Variants in AP2A2 observed in about 807,000 individuals in gnomAD.
The protein encoded by AP2A2 is AP-2 complex subunit alpha-2.
A neutral mutation model predicts 104.2 loss-of-function variants in AP2A2; 32 were observed. That is an observed-to-expected ratio of 0.31 (90% CI 0.23 to 0.41). The LOEUF is 0.41. Ranked by LOEUF, AP2A2 falls within the 10% of genes least tolerant of loss-of-function variation. The pLI, the probability that AP2A2 is intolerant of heterozygous loss-of-function variation, is 1.00. For synonymous variants in AP2A2, 539 were observed against 533.3 expected (o/e 1.01, Z -0.15); for missense variants, 912 against 1,261.0 (o/e 0.72, Z 4.19).
chr11:1,005,151 G>C (rs950377634), intron 16 of AP2A2, among the ~76,000 whole-genome samples: 3 of 152,234 alleles, frequency 2.0e-5, no homozygotes, highest in African/African-American at 7.2e-5. Context: ...ATATTATTCA[G>C]CCATCAAACG....
At chr11:929,981 C>T (rs535275724) in intron 1 of AP2A2, among the ~76,000 whole-genome samples, 14 of 151,948 alleles carry the variant, frequency 9.2e-5, no homozygotes, top group South Asian at 2.1e-4. Context: ...ATTAGCTGGG[C>T]GTGGTGGCAT....
intron 1 of AP2A2, among the ~76,000 whole-genome samples, chr11:928,883 C>A (rs1415028882): frequency 6.6e-6 from 1 of 152,150 alleles, no homozygotes; most frequent in African/African-American, 2.4e-5. Context: ...GCTTGTGGTG[C>A]TGCTTTTCAC....
intron 15 of AP2A2, among the ~76,000 whole-genome samples, chr11:1,002,062 T>A (rs983823489): frequency 3.9e-5 from 6 of 152,168 alleles, no homozygotes; most frequent in Admixed American, 3.9e-4. Flanking sequence ...TGGTTTGCAT[T>A]TTCCCCAAAG....
At chr11:1,000,402 C>T in intron 14 of AP2A2, 30 bp from the exon 15 acceptor site, 1 of 1,541,842 alleles carries the variant, frequency 6.5e-7, no homozygotes, top group Non-Finnish European at 8.7e-7. Flanking sequence ...GGGAGGCTCT[C>T]TGCTGATGCT....
At chr11:995,905 CTT>C (rs1423820149) in intron 14 of AP2A2, among the ~76,000 whole-genome samples, 1 of 150,712 alleles carries the variant, frequency 6.6e-6, no homozygotes, top group Non-Finnish European at 1.5e-5. Flanking sequence ...AGATGTGACT[CTT>C]TCTCCCAAGG....
rs142787415 is a variant in AP2A2 at position 993,021 on chromosome 11, C to T, written c.1453-263C>T. On this transcript the variant is annotated intron_variant, in intron 11 of 21. Transcript: ENST00000448903. The surrounding 1 kb of genome is among the most constrained non-coding windows in gnomAD (Gnocchi z 8.2). The stretch of plus-strand genomic sequence containing the variant: ...ACCGGCAAGGGGTGTGCCATGAGGA[C>T]GCTGGCAGAACCTCCCCAGCCAGAG... Among the ~76,000 whole-genome samples the T allele has an allele frequency of 2.1e-3, 322 of 152,318 alleles. 1 individual carries two copies. The highest frequency in any genetic ancestry group is 0.019 in the South Asian group (91 of 4,820).
At chr11:995,750 C>A (rs1270075276) in intron 14 of AP2A2, among the ~76,000 whole-genome samples, 1 of 80 alleles carries the variant, frequency 0.013, no homozygotes, top group Admixed American at 0.071. Context: ...CTTCCTCCCT[C>A]TCCCCTCCCT....
At chr11:977,067 C>A in intron 4 of AP2A2, 28 bp from the exon 5 acceptor site, 1 of 1,612,604 alleles carries the variant, frequency 6.2e-7, no homozygotes, top group Non-Finnish European at 8.5e-7. Context: ...CAGCCTGTTG[C>A]GAGTGACTCT....
chr11:954,016 G>A (rs1854146855), intron 1 of AP2A2, among the ~76,000 whole-genome samples: 1 of 151,926 alleles, frequency 6.6e-6, no homozygotes, highest in Admixed American at 6.6e-5. Context: ...TGTATTTTTA[G>A]TAGAGACGAG....
At chr11:985,019 T>A (rs1855404247) in intron 7 of AP2A2, among the ~76,000 whole-genome samples, 1 of 152,228 alleles carries the variant, frequency 6.6e-6, no homozygotes, top group Non-Finnish European at 1.5e-5. Context: ...AGTCTCCCTT[T>A]GTTGCCCAGG....
At chr11:941,232 C>T (rs976133405) in intron 1 of AP2A2, among the ~76,000 whole-genome samples, 2 of 152,126 alleles carry the variant, frequency 1.3e-5, no homozygotes, top group African/African-American at 2.4e-5. Context: ...TTTGTCTTCC[C>T]TCCTGCAGGT....
intron 5 of AP2A2, among the ~76,000 whole-genome samples, chr11:978,735 A>C (rs2133683274): frequency 6.6e-6 from 1 of 152,284 alleles, no homozygotes; most frequent in Non-Finnish European, 1.5e-5. Context: ...TCTGGTCTCA[A>C]GTCAGGAGCC....
In AP2A2 at chr11:1,006,622, C is replaced by T. The variant is rs2133786735; in HGVS notation, c.2296+5C>T. 6.2e-7 allele frequency: 1 copy of T among 1,609,418 alleles called. No individual in the cohort carries two copies. Among genetic ancestry groups the T allele is most frequent in the Non-Finnish European group, 8.5e-7 (1 of 1,176,068 alleles). ...GTTCAGACGACCTTCAGCCTAATATCCTTGGCTTCATTGCCCCATGCCCGC... is the reference window on the plus strand; with the variant it reads ...GTTCAGACGACCTTCAGCCTAATATTCTTGGCTTCATTGCCCCATGCCCGC... On this transcript the variant is annotated splice_donor_5th_base_variant and intron_variant, in intron 17 of 21. Coordinates refer to ENST00000448903, the MANE Select transcript of AP2A2 (RefSeq NM_012305.4).
intron 1 of AP2A2, among the ~76,000 whole-genome samples, chr11:947,487 G>A (rs1853887198): frequency 1.3e-5 from 2 of 152,146 alleles, no homozygotes; most frequent in African/African-American, 4.8e-5. Context: ...AATCAAAACT[G>A]GATTGTTTTA....
chr11:982,973 T>G (rs1053106958), intron 6 of AP2A2, among the ~76,000 whole-genome samples: 1 of 151,348 alleles, frequency 6.6e-6, no homozygotes, highest in Non-Finnish European at 1.5e-5. Context: ...AATTATGAAT[T>G]CAATTTATTT....
chr11:1,005,724 T>C (rs981292917), intron 16 of AP2A2, among the ~76,000 whole-genome samples: 8 of 152,178 alleles, frequency 5.3e-5, no homozygotes, highest in Non-Finnish European at 1.2e-4. Flanking sequence ...AAAGTGAGGG[T>C]TGTCAGAGTG....
chr11:950,042 A>G (rs547298894), intron 1 of AP2A2, among the ~76,000 whole-genome samples: 1 of 152,326 alleles, frequency 6.6e-6, no homozygotes, highest in Non-Finnish European at 1.5e-5. Flanking sequence ...TGAGATAATA[A>G]TATTGAGAGT....
intron 2 of AP2A2, among the ~76,000 whole-genome samples, chr11:965,893 T>G (rs925675999): frequency 2.0e-5 from 3 of 152,152 alleles, no homozygotes; most frequent in African/African-American, 7.2e-5. Flanking sequence ...CAGGCTGGAG[T>G]GCTGTGGCAT....
intron 10 of AP2A2, among the ~76,000 whole-genome samples, chr11:991,171 T>C (rs1363983529): frequency 2.2e-4 from 33 of 152,100 alleles, no homozygotes; most frequent in Non-Finnish European, 2.9e-5. Flanking sequence ...GGGCATGGTG[T>C]TTCCCTCTGT....
Sources: gnomAD v4.1 joint callset for allele counts (sites outside exome capture counted in the v4.1 genomes callset) on GRCh38, gnomAD v4.1.1 for gene constraint, Gnocchi (gnomAD v3.1) non-coding constraint, MANE v1.5 for transcripts, NCBI Gene and HGNC (gene_info 2026-07-23, HGNC 2026-07-21) for gene names.